Variants in DENND5B observed in about 807,000 individuals in gnomAD.
DENND5B encodes DENN domain containing 5B.
DENND5B carries 34 observed loss-of-function variants against 140.6 expected under a neutral mutation model. That is an observed-to-expected ratio of 0.24 (90% CI 0.18 to 0.32). DENND5B has a LOEUF of 0.32. DENND5B is among the 10% of genes least tolerant of loss of function. DENND5B has a pLI of 1.00. For synonymous variants in DENND5B, 551 were observed against 562.1 expected, an observed-to-expected ratio of 0.98 and a Z score of 0.28; for missense variants, 1,142 against 1,560.2, an observed-to-expected ratio of 0.73 and a Z score of 4.52.
chr12:31,538,629 G>A (rs1282230862), intron 1 of DENND5B, among the ~76,000 whole-genome samples: 1 of 152,192 alleles, frequency 6.6e-6, no homozygotes, highest in Non-Finnish European at 1.5e-5. Flanking sequence ...TACTTTGGGA[G>A]GCTGAGACAG....
chr12:31,494,063 G>A (rs1172761601), intron 2 of DENND5B, among the ~76,000 whole-genome samples: 2 of 151,954 alleles, frequency 1.3e-5, no homozygotes, highest in Non-Finnish European at 2.9e-5. Flanking sequence ...TCTAAGAAGA[G>A]CCCTTCCTAA....
intron 1 of DENND5B, among the ~76,000 whole-genome samples, chr12:31,537,321 G>C (rs1407232398): frequency 1.3e-5 from 2 of 152,072 alleles, no homozygotes; most frequent in Admixed American, 6.5e-5. Flanking sequence ...GAAAGCAGGG[G>C]GATGAAGTTA....
chr12:31,505,478 C>T (rs1478859524), intron 1 of DENND5B, among the ~76,000 whole-genome samples: 1 of 152,128 alleles, frequency 6.6e-6, no homozygotes, highest in Non-Finnish European at 1.5e-5. Context: ...CTCAGATGAT[C>T]TGCCCGCTTC....
chr12:31,484,885 G>A (rs1039468108), intron 2 of DENND5B, among the ~76,000 whole-genome samples: 5 of 152,076 alleles, frequency 3.3e-5, no homozygotes, highest in South Asian at 2.1e-4. Context: ...CAGCAACAAC[G>A]AACCATTTCT....
Position 31,447,721 on chromosome 12 carries a change from G to A in DENND5B, c.1678C>T (p.Arg560Cys), listed in dbSNP as rs769336079. The A allele has an allele frequency of 1.8e-5, 29 of 1,610,256 alleles. No homozygotes were observed. Among genetic ancestry groups the A allele is most frequent in the Non-Finnish European group, 2.3e-5 (27 of 1,178,148 alleles). ...QPEPYLPFLS[R>C]FIETQMFATF... ...GCAAACATCTGTGTTTCAATGAAGC[G>A]TGAAAGAAATGGCAGGTAAGGCTCA... Residue 560 changes from arginine (R) to cysteine (C), a missense_variant, in exon 6 of 21, where the codon CGC (arginine) becomes TGC (cysteine). By Grantham distance (180) the Arg-to-Cys change is radical. Around this residue, in one of 5 missense-constraint regions of DENND5B, gnomAD observed 708 missense variants for 905.5 expected, o/e 0.78. Transcript: ENST00000389082.
At chr12:31,529,887 C>G (rs1360217821) in intron 1 of DENND5B, among the ~76,000 whole-genome samples, 2 of 152,058 alleles carry the variant, frequency 1.3e-5, no homozygotes, top group African/African-American at 2.4e-5. Context: ...TGCATTCTCC[C>G]AAAAATGCAC....
intron 3 of DENND5B, among the ~76,000 whole-genome samples, chr12:31,472,853 G>C (rs534166006): frequency 7.2e-5 from 11 of 152,252 alleles, no homozygotes; most frequent in African/African-American, 2.6e-4. Flanking sequence ...CTAATGCACA[G>C]GAGTGGGTCA....
At chr12:31,573,056 A>T (rs1478790872) in intron 1 of DENND5B, among the ~76,000 whole-genome samples, 1 of 152,224 alleles carries the variant, frequency 6.6e-6, no homozygotes, top group African/African-American at 2.4e-5. Context: ...AGCAGACTGG[A>T]GAAAAGCTCA....
rs185284968 is a variant in DENND5B, at chr12:31,413,358, C to G, written c.2681+78G>C. On this transcript the variant is annotated intron_variant, in intron 13 of 20. Transcript: ENST00000389082. Reference sequence around the variant, plus strand: ...ATACAGCACTTCATACTGAAGAAGCCAGTTTGTCAGTTTATGCAACTTGTT... The same window carrying G: ...ATACAGCACTTCATACTGAAGAAGCGAGTTTGTCAGTTTATGCAACTTGTT... 260 of 1,528,882 alleles carry G rather than the reference C, an allele frequency of 1.7e-4. 6 individuals are homozygous for G. In the East Asian group the frequency reaches 2.7e-3, roughly 16 times the overall value. The allele number at this position is 1,528,882 out of a possible 1,614,324, so 94.7% of individuals were successfully genotyped here.
intron 11 of DENND5B, chr12:31,419,868 G>C (rs546448341): frequency 1.8e-4 from 52 of 283,818 alleles, no homozygotes; most frequent in Admixed American, 1.3e-3. Flanking sequence ...AGCTATTCAG[G>C]AGGCTGAGGC....
intron 7 of DENND5B, among the ~76,000 whole-genome samples, chr12:31,439,825 G>A (rs889785257): frequency 1.3e-5 from 2 of 150,618 alleles, no homozygotes; most frequent in Non-Finnish European, 3.0e-5. Context: ...GCTACTCAGG[G>A]AGGCTGAGGC....
At chr12:31,560,989 G>T (rs1949455731) in intron 1 of DENND5B, among the ~76,000 whole-genome samples, 1 of 152,116 alleles carries the variant, frequency 6.6e-6, no homozygotes, top group Non-Finnish European at 1.5e-5. Flanking sequence ...CAGAGACCGT[G>T]GAAGAAAGTA....
intron 1 of DENND5B, among the ~76,000 whole-genome samples, chr12:31,524,851 T>C (rs1471729556): frequency 6.6e-6 from 1 of 152,224 alleles, no homozygotes; most frequent in Non-Finnish European, 1.5e-5. Context: ...TACTCTCTTT[T>C]ACTGATTCTC....
chr12:31,413,697 G>T (rs1942585298), intron 12 of DENND5B, 133 bp from the exon 13 acceptor site: 1 of 999,090 alleles, frequency 1.0e-6, no homozygotes, highest in East Asian at 2.9e-5. Context: ...TACAATTGAT[G>T]TTGATTAAAT....
intron 1 of DENND5B, among the ~76,000 whole-genome samples, chr12:31,532,769 C>G (rs995148061): frequency 1.3e-5 from 2 of 152,178 alleles, no homozygotes; most frequent in Non-Finnish European, 1.5e-5. Context: ...GTGGTACCAA[C>G]TTGTTCAAAA....
intron 1 of DENND5B, among the ~76,000 whole-genome samples, chr12:31,565,237 T>TA (rs1165355381): frequency 6.6e-6 from 1 of 151,438 alleles, no homozygotes. Context: ...CACAAAAAAA[T>TA]AAAAAAACCA....
At chr12:31,444,884 C>T (rs1944209842) in intron 6 of DENND5B, among the ~76,000 whole-genome samples, 1 of 152,152 alleles carries the variant, frequency 6.6e-6, no homozygotes, top group African/African-American at 2.4e-5. Flanking sequence ...TACCCTGATT[C>T]GTGGGAATAC....
At chr12:31,409,447 A>C in intron 13 of DENND5B, 63 bp from the exon 14 acceptor site, 1 of 1,159,410 alleles carries the variant, frequency 8.6e-7, no homozygotes, top group Non-Finnish European at 1.1e-6. Flanking sequence ...AAACCAAGAC[A>C]GTAGTATCAT....
intron 1 of DENND5B, among the ~76,000 whole-genome samples, chr12:31,576,997 CA>C (rs1950038186): frequency 1.3e-5 from 2 of 151,866 alleles, no homozygotes; most frequent in South Asian, 2.1e-4. Context: ...AGGTTTTTCT[CA>C]AAAAGGGACA....
Sources: allele counts gnomAD v4.1 joint callset (sites outside exome capture counted in the v4.1 genomes callset), GRCh38; gene constraint gnomAD v4.1.1; regional missense constraint gnomAD v4.1.1; transcripts MANE v1.5; gene names NCBI Gene and HGNC (gene_info 2026-07-23, HGNC 2026-07-21).